Variants in VCAM1 observed in about 807,000 individuals in gnomAD.
VCAM1 encodes vascular cell adhesion molecule 1.
In VCAM1, 41 loss-of-function variants were observed where a neutral mutation model predicts 63.8. That is an observed-to-expected ratio of 0.64 (90% CI 0.50 to 0.83). The LOEUF (loss-of-function observed/expected upper bound fraction) is 0.83. Ranked by LOEUF, VCAM1 falls within the 40% of genes least tolerant of loss-of-function variation. The pLI is 0.00. For missense variants in VCAM1, 798 were observed against 875.5 expected (o/e 0.91, Z 1.12); for synonymous variants, 338 against 320.7 (o/e 1.05, Z -0.58).
rs1394576362 is a variant in VCAM1, at chr1:100,720,700, G to A, written c.289G>A (p.Ala97Thr). The A allele has an allele frequency of 6.2e-7, 1 of 1,612,924 alleles. No homozygotes were observed. Among genetic ancestry groups the A allele is most frequent in the Admixed American group, 1.7e-5 (1 of 59,906 alleles). Residue 97 changes from alanine to threonine, a missense_variant, in exon 2 of 9, where the codon GCA (alanine) becomes ACA (threonine). Ala to Thr is a moderately conservative substitution (Grantham distance 58). Coordinates refer to ENST00000294728, the MANE Select transcript of VCAM1 (RefSeq NM_001078.4). ...GAACGAACACTCTTACCTGTGCACAGCAACTTGTGAATCTAGGAAATTGGA... is the reference window on the plus strand; with the variant it reads ...GAACGAACACTCTTACCTGTGCACAACAACTTGTGAATCTAGGAAATTGGA... ...FGNEHSYLCT[A>T]TCESRKLEKG...
intron 7 of VCAM1, among the ~76,000 whole-genome samples, chr1:100,733,772 A>G (rs1202910938): frequency 6.6e-6 from 1 of 152,182 alleles, no homozygotes; most frequent in East Asian, 1.9e-4. Context: ...GAAGAATCCA[A>G]CTCAAAACTC....
chr1:100,732,352 A>T, intron 6 of VCAM1, 66 bp from the exon 7 acceptor site: 1 of 1,455,716 alleles, frequency 6.9e-7, no homozygotes, highest in Middle Eastern at 1.8e-4. Flanking sequence ...GTTTTGCAAC[A>T]TTATTAAAAC....
In VCAM1 at chr1:100,722,614, T is replaced by C. The variant is rs917074462; in HGVS notation, c.341-406T>C. On this transcript the variant is annotated intron_variant, in intron 2 of 8. Coordinates refer to ENST00000294728, the MANE Select transcript of VCAM1 (RefSeq NM_001078.4). ...ACTAGGTGTGTGACCTTAGACAAGT[T>C]ATGTAAATGTACTAAGTCCAGGTCT... 2.0e-5 allele frequency among the ~76,000 whole-genome samples: 3 copies of C among 152,174 alleles called. No individual in the cohort carries two copies. In the East Asian group the frequency reaches 5.8e-4, roughly 29 times the overall value.
At chr1:100,721,761 C>T (rs1340232144) in intron 2 of VCAM1, among the ~76,000 whole-genome samples, 1 of 151,974 alleles carries the variant, frequency 6.6e-6, no homozygotes, top group African/African-American at 2.4e-5. Flanking sequence ...TGCAGCCTCC[C>T]GAGCTCCTTG....
At chr1:100,726,943 C>T (rs1044430231) in intron 4 of VCAM1, among the ~76,000 whole-genome samples, 2 of 151,956 alleles carry the variant, frequency 1.3e-5, no homozygotes, top group Admixed American at 1.3e-4. Flanking sequence ...GGAAGGATTG[C>T]TTGAGGCCAG....
intron 5 of VCAM1, 129 bp downstream of exon 5, chr1:100,729,511 C>A: frequency 8.5e-7 from 1 of 1,173,248 alleles, no homozygotes; most frequent in Non-Finnish European, 1.2e-6. Context: ...GAATTTTGTT[C>A]CTAAATCTGA....
rs1338636836 is a variant in VCAM1, at chr1:100,732,411, T to G, written c.1526-7T>G. On this transcript the variant is annotated splice_region_variant and splice_polypyrimidine_tract_variant and intron_variant, in intron 6 of 8. Coordinates refer to ENST00000294728, the MANE Select transcript of VCAM1 (RefSeq NM_001078.4). ...GGTCAAGCTAACAAGCGTCTCTGCC[T>G]TTTCAGTTGCCCCCAGAGATACAAC... 7 of 1,542,370 alleles carry G rather than the reference T, an allele frequency of 4.5e-6. No homozygotes were observed. The highest frequency in any genetic ancestry group is 2.2e-5 in the Admixed American group (1 of 45,340).
intron 5 of VCAM1, 27 bp downstream of exon 5, chr1:100,729,409 G>GTTTTT: frequency 7.7e-7 from 1 of 1,298,068 alleles, no homozygotes; most frequent in South Asian, 1.8e-5. Flanking sequence ...ATTGTTTACT[G>GTTTTT]TTTTTTTTTT....
chr1:100,734,780 T>C lies in VCAM1; in HGVS notation c.2059+12T>C, dbSNP rs763728953. 60 of 1,611,076 alleles carry C rather than the reference T, an allele frequency of 3.7e-5. No individual in the cohort carries two copies. Among genetic ancestry groups the C allele is most frequent in the Admixed American group, 2.0e-4 (12 of 59,564 alleles). The stretch of plus-strand genomic sequence containing the variant: ...ACTTGATGTTCAAGGTGAGTTTGTT[T>C]TGAGTTTTTGTTTTCTTGGTAATAG... On this transcript the variant is annotated intron_variant, in intron 8 of 8. Coordinates refer to ENST00000294728, the MANE Select transcript of VCAM1 (RefSeq NM_001078.4).
intron 3 of VCAM1, among the ~76,000 whole-genome samples, chr1:100,723,948 T>G (rs1660063148): frequency 1.3e-5 from 2 of 152,010 alleles, no homozygotes. Context: ...TGTTCTGCAC[T>G]GGGTACCACA....
Position 100,734,759 on chromosome 1 carries a change from G to A in VCAM1, c.2050G>A (p.Asp684Asn). 1 of 1,613,470 alleles carries A rather than the reference G, an allele frequency of 6.2e-7. No individual in the cohort carries two copies. Among genetic ancestry groups the A allele is most frequent in the Non-Finnish European group, 8.5e-7 (1 of 1,179,642 alleles). ...CTCACAATTAAGAAGTTTAACACTT[G>A]ATGTTCAAGGTGAGTTTGTTTTGAG... ...VGSQLRSLTL[D>N]VQGRENNKDY... The change falls in exon 8 of 9, where the codon GAT (aspartate) becomes AAT (asparagine). Residue 684 changes from aspartate to asparagine, a missense_variant. Physicochemically the swap from Asp to Asn is conservative, Grantham distance 23. Coordinates refer to ENST00000294728, the MANE Select transcript of VCAM1 (RefSeq NM_001078.4).
rs1660099225 is a variant in VCAM1, at chr1:100,724,770, C to G, written c.808C>G (p.Leu270Val). 1.2e-6 allele frequency: 2 copies of G among 1,612,970 alleles called. No homozygotes were observed. Among genetic ancestry groups the G allele is most frequent in the East Asian group, 4.5e-5 (2 of 44,812 alleles). Residue 270 changes from leucine to valine, a missense_variant, in exon 4 of 9, where the codon CTT (leucine) becomes GTT (valine). Leu to Val is a conservative substitution (Grantham distance 32). Coordinates refer to ENST00000294728, the MANE Select transcript of VCAM1 (RefSeq NM_001078.4). ...KKLDNGNLQHLSGNATLTLIA... is the reference protein window; with the variant it reads ...KKLDNGNLQHVSGNATLTLIA... ...ATTAGATAATGGGAATCTACAGCAC[C>G]TTTCTGGAAATGCAACTCTCACCTT...
Position 100,720,692 on chromosome 1 carries a change from T to C in VCAM1, c.281T>C (p.Leu94Pro). 6.2e-7 allele frequency: 1 copy of C among 1,613,088 alleles called. No homozygotes were observed. Among genetic ancestry groups the C allele is most frequent in the Admixed American group, 1.7e-5 (1 of 59,908 alleles). ...PVSFGNEHSY[L>P]CTATCESRKL... ...AGTTTTGGGAACGAACACTCTTACC[T>C]GTGCACAGCAACTTGTGAATCTAGG... The change falls in exon 2 of 9, where the codon CTG becomes CCG. Residue 94 changes from leucine to proline, a missense_variant. Coordinates refer to ENST00000294728, the MANE Select transcript of VCAM1 (RefSeq NM_001078.4).
intron 4 of VCAM1, among the ~76,000 whole-genome samples, chr1:100,725,198 G>T (rs1290523782): frequency 2.6e-5 from 4 of 151,060 alleles, no homozygotes; most frequent in Non-Finnish European, 2.9e-5. Context: ...ACACCCCTGG[G>T]TCCTCTTCTG....
At position 100,732,419 on chromosome 1, in the gene VCAM1, T is replaced by C. The variant is rs368428397; in HGVS notation, c.1527T>C (p.Val509=). 1.9e-6 allele frequency: 3 copies of C among 1,546,702 alleles called. No homozygotes were observed. Among genetic ancestry groups the C allele is most frequent in the Non-Finnish European group, 2.6e-6 (3 of 1,149,660 alleles). ...TAACAAGCGTCTCTGCCTTTTCAGTTGCCCCCAGAGATACAACCGTCTTGG... is the reference window on the plus strand; with the variant it reads ...TAACAAGCGTCTCTGCCTTTTCAGTCGCCCCCAGAGATACAACCGTCTTGG... ...RQSTQTLYVN[V]APRDTTVLVS... The change falls in exon 7 of 9, where the codon GTT becomes GTC. Residue 509 remains valine, a splice_region_variant and synonymous_variant. Coordinates refer to ENST00000294728, the MANE Select transcript of VCAM1 (RefSeq NM_001078.4).
chr1:100,724,840 G>C lies in VCAM1; in HGVS notation c.878G>C (p.Gly293Ala), dbSNP rs933126183. Residue 293 changes from glycine (G) to alanine (A), a missense_variant, in exon 4 of 9, where the codon GGA becomes GCA. Gly to Ala is a moderately conservative substitution (Grantham distance 60, BLOSUM62 0). Coordinates refer to ENST00000294728, the MANE Select transcript of VCAM1 (RefSeq NM_001078.4). Reference protein sequence around the residue: ...MEDSGIYVCEGVNLIGKNRKE... With the variant: ...MEDSGIYVCEAVNLIGKNRKE... ...GATTCTGGAATTTATGTGTGTGAAG[G>C]AGTTAATTTGATTGGGAAAAACAGA... 6.2e-7 allele frequency: 1 copy of C among 1,612,872 alleles called. No individual in the cohort carries two copies. The highest frequency in any genetic ancestry group is 8.5e-7 in the Non-Finnish European group (1 of 1,179,300).
Position 100,729,122 on chromosome 1 carries a change from T to C in VCAM1, c.944T>C (p.Val315Ala). Residue 315 changes from valine to alanine, a missense_variant, in exon 5 of 9, where the codon GTT (valine) becomes GCT (alanine). Coordinates refer to ENST00000294728, the MANE Select transcript of VCAM1 (RefSeq NM_001078.4). ...ELIVQEKPFT[V>A]EISPGPRIAA... Reference sequence around the variant, plus strand: ...TGTGTCCCAGAGAAACCATTTACTGTTGAGATCTCCCCTGGACCCCGGATT... The same window carrying C: ...TGTGTCCCAGAGAAACCATTTACTGCTGAGATCTCCCCTGGACCCCGGATT... The C allele has an allele frequency of 6.4e-7, 1 of 1,559,790 alleles. No individual in the cohort carries two copies. Among genetic ancestry groups the C allele is most frequent in the Non-Finnish European group, 8.7e-7 (1 of 1,150,534 alleles).
At chr1:100,736,560 T>C (rs1660655891) in intron 8 of VCAM1, 1 of 151,978 alleles carries the variant, frequency 6.6e-6, no homozygotes, top group Non-Finnish European at 1.5e-5. Flanking sequence ...TGGGGAAGAC[T>C]GAAAGGCAAA....
chr1:100,724,854 G>A lies in VCAM1; in HGVS notation c.892G>A (p.Gly298Arg). 6.2e-7 allele frequency: 1 copy of A among 1,612,700 alleles called. No homozygotes were observed. The highest frequency in any genetic ancestry group is 8.5e-7 in the Non-Finnish European group (1 of 1,179,216). ...TGTGTGTGAAGGAGTTAATTTGATT[G>A]GGAAAAACAGAAAAGAGGTGGAATT... ...IYVCEGVNLIGKNRKEVELIV... is the reference protein window; with the variant it reads ...IYVCEGVNLIRKNRKEVELIV... Residue 298 changes from glycine to arginine, a missense_variant, in exon 4 of 9, where the codon GGG becomes AGG. Coordinates refer to ENST00000294728, the MANE Select transcript of VCAM1 (RefSeq NM_001078.4).
Sources: gnomAD v4.1 joint callset for allele counts (sites outside exome capture counted in the v4.1 genomes callset) on GRCh38, gnomAD v4.1.1 for gene constraint, MANE v1.5 for transcripts, NCBI Gene and HGNC (gene_info 2026-07-23, HGNC 2026-07-21) for gene names.